PBX4: variants seen among roughly 807,000 people sequenced by gnomAD.
PBX4 encodes pre-B-cell leukemia transcription factor 4.
PBX4 carries 26 observed loss-of-function variants against 35.1 expected under a neutral mutation model. The observed-to-expected ratio is 0.74, with a 90% CI of 0.54 to 1.03. The LOEUF (loss-of-function observed/expected upper bound fraction) is 1.03, where lower values mean the gene tolerates loss of function less well. Among genes scored for constraint, PBX4 ranks in the 50% least tolerant of loss-of-function variants. The probability of loss-of-function intolerance (pLI) is 0.00; values close to 1 mark genes in which losing one functional copy is unlikely to be tolerated. For missense variants in PBX4, 448 were observed against 504.3 expected (o/e 0.89, Z 1.07); for synonymous variants, 199 against 204.2 (o/e 0.97, Z 0.22).
chr19:19,573,330 T>TATACACAC (rs1344345485), intron 2 of PBX4, among the ~76,000 whole-genome samples: 165 of 133,364 alleles, frequency 1.2e-3, no homozygotes, highest in South Asian at 3.9e-3. Context: ...AAAAAAAATA[T>TATACACAC]ACACACACAC....
intron 1 of PBX4, among the ~76,000 whole-genome samples, chr19:19,604,431 C>T (rs1022125262): frequency 2.1e-4 from 25 of 117,018 alleles, no homozygotes; most frequent in Non-Finnish European, 2.6e-4. Flanking sequence ...CACATCACTG[C>T]ACTCCCGTCT....
rs893076685 is a variant in PBX4, at chr19:19,561,881, C to T, written c.*144G>A. The T allele has an allele frequency of 1.5e-4, 90 of 613,770 alleles. No individual in the cohort carries two copies. Among genetic ancestry groups the T allele is most frequent in the African/African-American group, 1.3e-3 (67 of 53,040 alleles). 38.0% of individuals were successfully genotyped at this position (613,770 alleles called of 1,614,324 possible). A position where few individuals can be genotyped will look rare whatever the true frequency, so the allele number is the denominator to read the frequency against. On this transcript the variant is annotated 3_prime_UTR_variant, in exon 8 of 8. Transcript: ENST00000251203. The stretch of plus-strand genomic sequence containing the variant: ...GCAGCAGACACATGAGCCGGCGCCA[C>T]GGGCCTGGCTGAGGAGCAGGGGCTC...
rs150216558 is a variant in PBX4, at chr19:19,590,984, T to C, written c.193+8308A>G. 3.0e-3 allele frequency among the ~76,000 whole-genome samples: 463 copies of C among 152,226 alleles called. 5 individuals are homozygous for C. In the South Asian group the frequency reaches 0.034, roughly 11 times the overall value. Reference sequence around the variant, plus strand: ...CTGAGGAATGCACTGGTTAATTGCATTTGGTTTTAATTAATTCAAATGTAA... The same window carrying C: ...CTGAGGAATGCACTGGTTAATTGCACTTGGTTTTAATTAATTCAAATGTAA... On this transcript the variant is annotated intron_variant, in intron 2 of 7. Coordinates refer to ENST00000251203, the MANE Select transcript of PBX4 (RefSeq NM_025245.3).
At chr19:19,572,607 G>A (rs536615571) in intron 2 of PBX4, among the ~76,000 whole-genome samples, 3 of 151,958 alleles carry the variant, frequency 2.0e-5, no homozygotes, top group African/African-American at 7.2e-5. Context: ...GCTCACGCCT[G>A]TAATCCCAGC....
chr19:19,593,468 T>C (rs541790165), intron 2 of PBX4, among the ~76,000 whole-genome samples: 3 of 152,218 alleles, frequency 2.0e-5, no homozygotes, highest in African/African-American at 7.2e-5. Flanking sequence ...AGAATCGAAA[T>C]CCTGTTTACT....
Position 19,618,589 on chromosome 19 carries a change from G to C in PBX4, c.41C>G (p.Pro14Arg). The C allele has an allele frequency of 8.5e-6, 11 of 1,294,748 alleles. No homozygotes were observed. The highest frequency in any genetic ancestry group is 1.1e-5 in the Non-Finnish European group (11 of 1,019,052). 80.2% of individuals were successfully genotyped at this position (1,294,748 alleles called of 1,614,324 possible). ...GACGTCGCTCGTGTCGAGGCGCCGC[G>C]GGGCGGGGGGCGATGGCGCGGGGCG... ...PPRPAPSPPA[P>R]RRLDTSDVLQ... is the part of the protein sequence containing the mutation. The change falls in exon 1 of 8, where the codon CCG (proline) becomes CGG (arginine). Residue 14 changes from proline to arginine, a missense_variant. By Grantham distance (103) the Pro-to-Arg change is moderately radical. Transcript: ENST00000251203.
chr19:19,608,912 T>G (rs1437075941), intron 1 of PBX4, among the ~76,000 whole-genome samples: 1 of 152,174 alleles, frequency 6.6e-6, no homozygotes, highest in African/African-American at 2.4e-5. Flanking sequence ...TGTCTGCCTC[T>G]CCAAATAATG....
rs1012859868 is a variant in PBX4, at chr19:19,562,954, C to A, written c.1032+555G>T. On this transcript the variant is annotated intron_variant, in intron 7 of 7. Coordinates refer to ENST00000251203, the MANE Select transcript of PBX4 (RefSeq NM_025245.3). The surrounding 1 kb of genome is among the most constrained non-coding windows in gnomAD (Gnocchi z 4.8). ...GCACAGGAGGCATCCGTTCTCTGAA[C>A]CCCTGGGAGAGAGTGGTGAGTTGGG... Among the ~76,000 whole-genome samples, 2 of 152,174 alleles carry A rather than the reference C, an allele frequency of 1.3e-5. No individual in the cohort carries two copies. Among genetic ancestry groups the A allele is most frequent in the Non-Finnish European group, 2.9e-5 (2 of 68,000 alleles).
In PBX4 at chr19:19,564,954, A is replaced by G; in HGVS notation, c.904T>C (p.Cys302Arg). ...TCACCGGAGCTAGGTGTTGACAGGCAGCTGGCGTGGTTCCCTGGGACCCCA... is the reference window on the plus strand; with the variant it reads ...TCACCGGAGCTAGGTGTTGACAGGCGGCTGGCGTGGTTCCCTGGGACCCCA... ...EVGVPGNHASCLSTPSSGSSG... is the reference protein window; with the variant it reads ...EVGVPGNHASRLSTPSSGSSG... Residue 302 changes from cysteine to arginine, a missense_variant, in exon 6 of 8, where the codon TGC becomes CGC. Physicochemically the swap from Cys to Arg is radical, Grantham distance 180. Coordinates refer to ENST00000251203, the MANE Select transcript of PBX4 (RefSeq NM_025245.3). 6.2e-7 allele frequency: 1 copy of G among 1,614,260 alleles called. No individual in the cohort carries two copies. The highest frequency in any genetic ancestry group is 8.5e-7 in the Non-Finnish European group (1 of 1,180,046).
chr19:19,586,380 T>A (rs1051353873), intron 2 of PBX4, among the ~76,000 whole-genome samples: 18 of 152,230 alleles, frequency 1.2e-4, no homozygotes, highest in African/African-American at 4.1e-4. Context: ...GCCACTGTAC[T>A]CCAGCCTGTC....
chr19:19,601,553 A>G lies in PBX4; in HGVS notation c.120-2188T>C, dbSNP rs140998550. Among the ~76,000 whole-genome samples, 155 of 152,352 alleles carry G rather than the reference A, an allele frequency of 1.0e-3. 1 individual carries two copies. In the East Asian group the frequency reaches 0.016, roughly 16 times the overall value. On this transcript the variant is annotated intron_variant, in intron 1 of 7. Transcript: ENST00000251203. ...AAAAATGGGAAAAATAATTCTGCCA[A>G]TGTAATTAAGTTTAAGGACCTTGAG...
chr19:19,591,994 A>G lies in PBX4; in HGVS notation c.193+7298T>C, dbSNP rs185825526. ...TTCTGCCTCAGCCTCCCGTGTAGCTAGGATTATAGGCACCCGCCACCATGC... is the reference window on the plus strand; with the variant it reads ...TTCTGCCTCAGCCTCCCGTGTAGCTGGGATTATAGGCACCCGCCACCATGC... On this transcript the variant is annotated intron_variant, in intron 2 of 7. Coordinates refer to ENST00000251203, the MANE Select transcript of PBX4 (RefSeq NM_025245.3). Among the ~76,000 whole-genome samples the G allele has an allele frequency of 2.1e-4, 32 of 151,910 alleles. 1 individual carries two copies. The East Asian group carries it at 5.6e-3, about 27-fold the overall frequency.
At chr19:19,616,366 C>T (rs1336812619) in intron 1 of PBX4, among the ~76,000 whole-genome samples, 4 of 152,130 alleles carry the variant, frequency 2.6e-5, no homozygotes, top group African/African-American at 9.7e-5. Flanking sequence ...CTCACTCTGT[C>T]GCCCAGGTTG....
chr19:19,570,751 G>T lies in PBX4; in HGVS notation c.276C>A (p.Gly92=). The T allele has an allele frequency of 1.2e-6, 2 of 1,614,062 alleles. No homozygotes were observed. Among genetic ancestry groups the T allele is most frequent in the South Asian group, 2.2e-5 (2 of 91,074 alleles). ...LRLDNMLLAE[G]VCRPEKRGRG... is the part of the protein sequence containing the mutation. ...TTCCTCTCTTCTCGGGCCTGCACAC[G>T]CCCTCAGCCAGCAGCATGTTATCCA... The change falls in exon 3 of 8, where the codon GGC becomes GGA. Residue 92 remains glycine (G), a synonymous_variant. Transcript: ENST00000251203.
At chr19:19,615,087 C>G (rs1396778481) in intron 1 of PBX4, among the ~76,000 whole-genome samples, 3 of 144,260 alleles carry the variant, frequency 2.1e-5, no homozygotes, top group Non-Finnish European at 4.5e-5. Context: ...ATTGCTTGAG[C>G]CTGGGAGGCA....
intron 2 of PBX4, among the ~76,000 whole-genome samples, chr19:19,596,009 T>A (rs1163409928): frequency 6.6e-6 from 1 of 151,406 alleles, no homozygotes; most frequent in East Asian, 1.9e-4. Flanking sequence ...AAGGTGGGAG[T>A]ATTGCTTGAG....
At position 19,563,818 on chromosome 19, in the gene PBX4, T is replaced by C; in HGVS notation, c.926-203A>G. On this transcript the variant is annotated intron_variant, in intron 6 of 7. Coordinates refer to ENST00000251203, the MANE Select transcript of PBX4 (RefSeq NM_025245.3). This position sits in a 1 kb window ranked among gnomAD's most constrained non-coding sequence, Gnocchi z 5.1. ...TGTCCCCTCATGGCTTGTCTTTTTT[T>C]TTTCTTTTTAAGACAGTCTCGCTCT... 3.9e-6 allele frequency: 2 copies of C among 511,242 alleles called. No individual in the cohort carries two copies. Among genetic ancestry groups the C allele is most frequent in the South Asian group, 4.1e-5 (2 of 48,562 alleles). The allele number at this position is 511,242 out of a possible 1,614,324, so 31.7% of individuals were successfully genotyped here.
intron 2 of PBX4, among the ~76,000 whole-genome samples, chr19:19,571,836 C>T (rs1210824206): frequency 6.6e-6 from 1 of 151,916 alleles, no homozygotes; most frequent in Non-Finnish European, 1.5e-5. Flanking sequence ...AGTTCGAGAT[C>T]AGCCTGGCCA....
At chr19:19,589,502 C>T (rs149907755) in intron 2 of PBX4, among the ~76,000 whole-genome samples, 2,292 of 152,082 alleles carry the variant, frequency 0.015, 79 homozygotes, top group South Asian at 0.076. Context: ...GGCACGGTGG[C>T]TCATGCCTGT....
Sources: gnomAD v4.1 joint callset for allele counts (sites outside exome capture counted in the v4.1 genomes callset) on GRCh38, gnomAD v4.1.1 for gene constraint, Gnocchi (gnomAD v3.1) non-coding constraint, MANE v1.5 for transcripts, NCBI Gene and HGNC (gene_info 2026-07-23, HGNC 2026-07-21) for gene names.